Variants in DNAAF1 observed in about 807,000 individuals in gnomAD.
DNAAF1 encodes dynein assembly factor 1, axonemal.
DNAAF1 carries 65 observed loss-of-function variants against 71.1 expected under a neutral mutation model. The observed-to-expected ratio is 0.91, with a 90% CI of 0.75 to 1.12. DNAAF1 has a LOEUF of 1.12. Among genes scored for constraint, DNAAF1 ranks in the 50% most tolerant of loss-of-function variants. The probability of loss-of-function intolerance (pLI) is 0.00; values close to 1 mark genes in which losing one functional copy is unlikely to be tolerated. For synonymous variants in DNAAF1, 414 were observed against 354.6 expected (o/e 1.17, Z -1.88); for missense variants, 1,178 against 899.8 (o/e 1.31, Z -3.96).
In DNAAF1 at chr16:84,176,197, C is replaced by A; in HGVS notation, c.1963C>A (p.Pro655Thr). The change falls in exon 11 of 12, where the codon CCC becomes ACC. Residue 655 changes from proline to threonine, a missense_variant. By Grantham distance (38) the Pro-to-Thr change is conservative. Coordinates refer to ENST00000378553, the MANE Select transcript of DNAAF1 (RefSeq NM_178452.6). ...GATCCAGGAGCTCAGCGACGAGGAC[C>A]CCTCTGGCCAGCTACTGATGCCCCC... is the stretch of plus-strand genomic sequence containing the variant. The part of the protein sequence containing the change: ...PLIQELSDED[P>T]SGQLLMPPTC... 2 of 1,613,914 alleles carry A rather than the reference C, an allele frequency of 1.2e-6. No homozygotes were observed. Among genetic ancestry groups the A allele is most frequent in the Non-Finnish European group, 1.7e-6 (2 of 1,180,036 alleles).
intron 10 of DNAAF1, chr16:84,175,649 G>T (rs2088612606): frequency 2.2e-6 from 1 of 463,426 alleles, no homozygotes; most frequent in Non-Finnish European, 4.0e-6. Flanking sequence ...GCCAAGCAGA[G>T]CCCAGGGCTC....
At chr16:84,174,485 G>GCAA in intron 9 of DNAAF1, 184 bp from the exon 10 acceptor site, 1 of 1,476,810 alleles carries the variant, frequency 6.8e-7, no homozygotes. Context: ...ACCTGAGGTG[G>GCAA]CAACGCTTGC....
chr16:84,148,026 C>G (rs185524183), intron 1 of DNAAF1, among the ~76,000 whole-genome samples: 2 of 152,122 alleles, frequency 1.3e-5, no homozygotes, highest in African/African-American at 4.8e-5. Context: ...TGAGATCCCG[C>G]CACTGCACTC....
At chr16:84,157,510 CAAAAAA>C (rs59707812) in intron 5 of DNAAF1, among the ~76,000 whole-genome samples, 4 of 82,348 alleles carry the variant, frequency 4.9e-5, no homozygotes, top group Non-Finnish European at 7.4e-5. Flanking sequence ...GACACTGTGT[CAAAAAA>C]AAAAAAAAAA....
intron 5 of DNAAF1, among the ~76,000 whole-genome samples, chr16:84,157,355 T>C (rs1205271713): frequency 1.3e-5 from 2 of 151,818 alleles, no homozygotes; most frequent in Non-Finnish European, 2.9e-5. Context: ...AAACCCCATC[T>C]CTACTAACAA....
At chr16:84,166,955 C>A (rs931348197) in intron 7 of DNAAF1, among the ~76,000 whole-genome samples, 2 of 152,220 alleles carry the variant, frequency 1.3e-5, no homozygotes, top group South Asian at 4.1e-4. Flanking sequence ...TTCTCTGACA[C>A]CAGCCGGCTG....
intron 6 of DNAAF1, among the ~76,000 whole-genome samples, chr16:84,160,472 A>C (rs2087647132): frequency 6.6e-6 from 1 of 152,220 alleles, no homozygotes; most frequent in Non-Finnish European, 1.5e-5. Context: ...CAATTTAGTA[A>C]TTCTAATTAG....
intron 5 of DNAAF1, chr16:84,158,864 G>A (rs1597435314): frequency 1.0e-5 from 2 of 194,846 alleles, no homozygotes; most frequent in Admixed American, 6.5e-5. Context: ...ATGAATAGCT[G>A]GGATTACAGG....
At chr16:84,150,111 A>G in intron 2 of DNAAF1, 140 bp from the exon 3 acceptor site, 1 of 663,316 alleles carries the variant, frequency 1.5e-6, no homozygotes, top group Admixed American at 2.5e-5. Flanking sequence ...GAAAGAGAAA[A>G]AGACGAACTT....
In DNAAF1 at chr16:84,177,752, C is replaced by G; in HGVS notation, c.2089C>G (p.Pro697Ala). 2 of 1,613,954 alleles carry G rather than the reference C, an allele frequency of 1.2e-6. No individual in the cohort carries two copies. Among genetic ancestry groups the G allele is most frequent in the Non-Finnish European group, 1.7e-6 (2 of 1,179,956 alleles). ...SPVPTESAAT[P>A]PETCVGVAQP... Reference sequence around the variant, plus strand: ...AGTGCCGACTGAGAGCGCCGCCACACCCCCAGAGACGTGTGTCGGAGTTGC... The same window carrying G: ...AGTGCCGACTGAGAGCGCCGCCACAGCCCCAGAGACGTGTGTCGGAGTTGC... The change falls in exon 12 of 12, where the codon CCC (proline) becomes GCC (alanine). Residue 697 changes from proline (P) to alanine (A), a missense_variant. Coordinates refer to ENST00000378553, the MANE Select transcript of DNAAF1 (RefSeq NM_178452.6).
chr16:84,160,416 C>T (rs2087645545), intron 6 of DNAAF1, among the ~76,000 whole-genome samples: 1 of 152,156 alleles, frequency 6.6e-6, no homozygotes, highest in Non-Finnish European at 1.5e-5. Context: ...CCATGTTTAT[C>T]ATCACTGCTT....
intron 6 of DNAAF1, among the ~76,000 whole-genome samples, chr16:84,160,738 C>G (rs190201931): frequency 2.0e-5 from 3 of 151,784 alleles, no homozygotes; most frequent in Admixed American, 6.6e-5. Context: ...ATCGAGACCA[C>G]CCTGGCTAAC....
chr16:84,169,866 G>T lies in DNAAF1; in HGVS notation c.1038G>T (p.Met346Ile). ...TGCATTTTCTGCCATTAGGGGAGAT[G>T]ACATCTTCAGATGATGGTGAGAATG... ...RQRESQERGEMTSSDDGENVP... is the reference protein window; with the variant it reads ...RQRESQERGEITSSDDGENVP... Residue 346 changes from methionine (M) to isoleucine (I), a missense_variant, in exon 8 of 12, where the codon ATG becomes ATT. Coordinates refer to ENST00000378553, the MANE Select transcript of DNAAF1 (RefSeq NM_178452.6). The T allele has an allele frequency of 6.2e-7, 1 of 1,613,732 alleles. No individual in the cohort carries two copies. Among genetic ancestry groups the T allele is most frequent in the South Asian group, 1.1e-5 (1 of 91,046 alleles).
rs539449027 is a variant in DNAAF1, at chr16:84,171,509, C to G, written c.1529-751C>G. Among the ~76,000 whole-genome samples the G allele has an allele frequency of 5.3e-5, 8 of 152,260 alleles. No individual in the cohort carries two copies. The South Asian group carries it at 1.7e-3, about 32-fold the overall frequency. ...AGTAGGGGCCTGGATGAGGAAGGGG[C>G]TCCTCGCGATTCCACATTCCTCAGG... On this transcript the variant is annotated intron_variant, in intron 8 of 11. Transcript: ENST00000378553.
At chr16:84,149,285 G>A (rs2087071196) in intron 2 of DNAAF1, 143 bp downstream of exon 2, 3 of 1,069,962 alleles carry the variant, frequency 2.8e-6, no homozygotes. Flanking sequence ...GGATGGCACT[G>A]CCTCTGCCGC....
intron 3 of DNAAF1, among the ~76,000 whole-genome samples, chr16:84,153,348 C>T (rs533754984): frequency 6.6e-5 from 10 of 152,280 alleles, no homozygotes; most frequent in Admixed American, 1.3e-4. Context: ...ACACATTTAC[C>T]TATGCCACAA....
chr16:84,176,710 A>G (rs2088691965), intron 11 of DNAAF1: 1 of 299,662 alleles, frequency 3.3e-6, no homozygotes, highest in Non-Finnish European at 6.6e-6. Context: ...AGTGTGGGGC[A>G]AGCGAGGTGA....
Position 84,172,289 on chromosome 16 carries a change from G to C in DNAAF1, c.1558G>C (p.Gly520Arg). The C allele has an allele frequency of 6.2e-7, 1 of 1,614,142 alleles. No individual in the cohort carries two copies. The change falls in exon 9 of 12, where the codon GGT becomes CGT. Residue 520 changes from glycine (G) to arginine (R), a missense_variant. Coordinates refer to ENST00000378553, the MANE Select transcript of DNAAF1 (RefSeq NM_178452.6). ...EPTPQAVATE[G>R]VFVTELDGTR... is the part of the protein sequence containing the mutation. ...GACTCCCCAGGCTGTGGCCACTGAG[G>C]GTGTATTCGTTACAGAACTTGATGG...
intron 5 of DNAAF1, among the ~76,000 whole-genome samples, chr16:84,156,851 C>CTTTTTT (rs778916785): frequency 9.3e-4 from 104 of 111,808 alleles, no homozygotes; most frequent in African/African-American, 2.4e-3. Flanking sequence ...TTCTTTCTTT[C>CTTTTTT]TTTTTTTTTT....
Sources: gnomAD v4.1 joint callset for allele counts (sites outside exome capture counted in the v4.1 genomes callset) on GRCh38, gnomAD v4.1.1 for gene constraint, MANE v1.5 for transcripts, NCBI Gene and HGNC (gene_info 2026-07-23, HGNC 2026-07-21) for gene names.